Variants in MAPKAP1 observed in about 807,000 individuals in gnomAD.
The protein encoded by MAPKAP1 is target of rapamycin complex 2 subunit MAPKAP1.
Under a neutral mutation model 65.7 loss-of-function variants are expected in MAPKAP1, and 20 were observed. The observed-to-expected ratio is 0.30, with a 90% CI of 0.21 to 0.44. The LOEUF (loss-of-function observed/expected upper bound fraction) is 0.44, where lower values mean the gene tolerates loss of function less well. Among genes scored for constraint, MAPKAP1 ranks in the 20% least tolerant of loss-of-function variants. MAPKAP1 has a pLI of 1.00. For missense variants in MAPKAP1, 423 were observed against 648.0 expected (o/e 0.65, Z 3.77); for synonymous variants, 222 against 244.3 (o/e 0.91, Z 0.85).
intron 10 of MAPKAP1, among the ~76,000 whole-genome samples, chr9:125,454,102 C>T (rs1044561823): frequency 6.6e-6 from 1 of 152,206 alleles, no homozygotes; most frequent in Non-Finnish European, 1.5e-5. Context: ...TAAACAAGTG[C>T]TATTCCTTGA....
intron 8 of MAPKAP1, chr9:125,505,990 T>C: frequency 2.8e-6 from 1 of 354,496 alleles, no homozygotes; most frequent in Non-Finnish European, 5.3e-6. Context: ...CCAGCTGCTT[T>C]ATATACAAAA....
intron 6 of MAPKAP1, among the ~76,000 whole-genome samples, chr9:125,554,914 A>C (rs2133201125): frequency 6.6e-6 from 1 of 152,284 alleles, no homozygotes; most frequent in African/African-American, 2.4e-5. Context: ...GAGTAGTTAA[A>C]AATACACTGT....
intron 4 of MAPKAP1, among the ~76,000 whole-genome samples, chr9:125,624,600 G>A (rs1238777870): frequency 3.7e-5 from 2 of 53,874 alleles, no homozygotes; most frequent in African/African-American, 1.6e-4. Context: ...CGCCCCGTCC[G>A]GGAGGGAGGT....
chr9:125,615,538 C>CAAAAAAAAAAA (rs58426049), intron 4 of MAPKAP1, among the ~76,000 whole-genome samples: 13 of 110,742 alleles, frequency 1.2e-4, no homozygotes, highest in African/African-American at 4.7e-4. Context: ...ACTAAAAATA[C>CAAAAAAAAAAA]AAAAAAAAAA....
intron 5 of MAPKAP1, chr9:125,565,593 TTG>T (rs1831025860): frequency 5.1e-5 from 17 of 332,420 alleles, no homozygotes; most frequent in South Asian, 3.9e-4. Context: ...GTCATGAGGA[TTG>T]CAGCTCAGAA....
rs142313242 is a variant in MAPKAP1, at chr9:125,686,731, T to C, written c.-69-14088A>G. Among the ~76,000 whole-genome samples the C allele has an allele frequency of 5.3e-5, 8 of 152,330 alleles. 1 individual carries two copies. The highest frequency in any genetic ancestry group is 2.0e-4 in the Admixed American group (3 of 15,308). Reference sequence around the variant, plus strand: ...GAGGAATCTCTTTTTTGACGAAGAATTGTAATAGTATCAAGATGTTGCCGG... The same window carrying C: ...GAGGAATCTCTTTTTTGACGAAGAACTGTAATAGTATCAAGATGTTGCCGG... On this transcript the variant is annotated intron_variant, in intron 1 of 11. Transcript: ENST00000265960.
chr9:125,475,575 G>A (rs1854074897), intron 9 of MAPKAP1, among the ~76,000 whole-genome samples: 1 of 152,192 alleles, frequency 6.6e-6, no homozygotes, highest in South Asian at 2.1e-4. Flanking sequence ...AACAAGGAGT[G>A]GCCTGGACAC....
chr9:125,451,435 T>G (rs561765406), intron 10 of MAPKAP1, among the ~76,000 whole-genome samples: 3 of 152,232 alleles, frequency 2.0e-5, no homozygotes, highest in Non-Finnish European at 4.4e-5. Flanking sequence ...TTTTCCTGTG[T>G]CGGGTTTGCC....
At chr9:125,478,922 G>A (rs1476982926) in intron 9 of MAPKAP1, among the ~76,000 whole-genome samples, 1 of 152,154 alleles carries the variant, frequency 6.6e-6, no homozygotes. Context: ...AGCTCTTGGT[G>A]TATTGTAAGT....
chr9:125,575,306 G>A (rs1831360056), intron 5 of MAPKAP1, among the ~76,000 whole-genome samples: 1 of 152,140 alleles, frequency 6.6e-6, no homozygotes, highest in Non-Finnish European at 1.5e-5. Context: ...AGGCTGCAGT[G>A]AACTGTAATT....
Position 125,549,427 on chromosome 9 carries a change from T to G in MAPKAP1, c.849-6259A>C, listed in dbSNP as rs1458789833. Among the ~76,000 whole-genome samples, 2 of 152,236 alleles carry G rather than the reference T, an allele frequency of 1.3e-5. 1 individual carries two copies. The highest frequency in any genetic ancestry group is 2.9e-5 in the Non-Finnish European group (2 of 68,034). ...GGCCTTGTAATAACTGCAGCATGCCTGCTTTAAAATAAGTCCTCTGAGTAT... is the reference window on the plus strand; with the variant it reads ...GGCCTTGTAATAACTGCAGCATGCCGGCTTTAAAATAAGTCCTCTGAGTAT... On this transcript the variant is annotated intron_variant, in intron 6 of 11. Transcript: ENST00000265960.
chr9:125,703,584 C>G (rs1174184658), intron 1 of MAPKAP1, among the ~76,000 whole-genome samples: 2 of 152,052 alleles, frequency 1.3e-5, no homozygotes, highest in Non-Finnish European at 1.5e-5. Flanking sequence ...CCAGCCTGGC[C>G]AACACAGCAA....
intron 6 of MAPKAP1, among the ~76,000 whole-genome samples, chr9:125,547,338 A>G (rs896412582): frequency 1.3e-5 from 2 of 152,196 alleles, no homozygotes; most frequent in Admixed American, 1.3e-4. Context: ...GGAAGGCAGC[A>G]TACTGGAGAG....
chr9:125,470,894 T>C (rs1366665308), intron 9 of MAPKAP1, among the ~76,000 whole-genome samples: 3 of 152,206 alleles, frequency 2.0e-5, no homozygotes, highest in South Asian at 2.1e-4. Context: ...TATCTTCATT[T>C]TAGATTGATC....
At chr9:125,627,013 A>T (rs1833137512) in intron 4 of MAPKAP1, among the ~76,000 whole-genome samples, 1 of 152,128 alleles carries the variant, frequency 6.6e-6, no homozygotes, top group South Asian at 2.1e-4. Context: ...CTTATCACTT[A>T]TTTTTTTCAC....
rs188811980 is a variant in MAPKAP1 at position 125,484,190 on chromosome 9, C to T, written c.1207+253G>A. ...AATGAAAAGAATTATGGAACTTCAC[C>T]GAAGTCAATCAGTTTGAAAAGAGTC... On this transcript the variant is annotated intron_variant, in intron 9 of 11. Transcript: ENST00000265960. Among the ~76,000 whole-genome samples, 22 of 152,182 alleles carry T rather than the reference C, an allele frequency of 1.4e-4. No individual in the cohort carries two copies. The South Asian group carries it at 2.1e-3, about 14-fold the overall frequency.
intron 9 of MAPKAP1, among the ~76,000 whole-genome samples, chr9:125,479,210 T>G (rs1451667051): frequency 6.6e-6 from 1 of 152,256 alleles, no homozygotes. Context: ...GTAAAAATTC[T>G]ATTTCTCATT....
intron 4 of MAPKAP1, chr9:125,596,250 C>A: frequency 1.3e-6 from 1 of 763,078 alleles, no homozygotes; most frequent in Admixed American, 1.7e-5. Flanking sequence ...CGAAAGAGGT[C>A]GAAGTGGTTC....
chr9:125,656,925 CA>C (rs1834048604), intron 4 of MAPKAP1, among the ~76,000 whole-genome samples: 1 of 152,098 alleles, frequency 6.6e-6, no homozygotes, highest in Non-Finnish European at 1.5e-5. Flanking sequence ...AAAAGGAAAA[CA>C]AACACACTTT....
Sources: allele counts gnomAD v4.1 joint callset (sites outside exome capture counted in the v4.1 genomes callset), GRCh38; gene constraint gnomAD v4.1.1; transcripts MANE v1.5; gene names NCBI Gene and HGNC (gene_info 2026-07-23, HGNC 2026-07-21).